Variants in OTOA observed in about 807,000 individuals in gnomAD.
OTOA encodes otoancorin.
In OTOA, 70 loss-of-function variants were observed where a neutral mutation model predicts 110.8. That is an observed-to-expected ratio of 0.63 (90% CI 0.52 to 0.77). The LOEUF is 0.77. Among genes scored for constraint, OTOA ranks in the 30% least tolerant of loss-of-function variants. The pLI is 0.00. For missense variants in OTOA, 917 were observed against 1,075.8 expected (o/e 0.85, Z 2.06); for synonymous variants, 373 against 431.5 (o/e 0.86, Z 1.68).
At chr16:21,673,190 G>A (rs966690857) in intron 1 of OTOA, among the ~76,000 whole-genome samples, 3 of 152,106 alleles carry the variant, frequency 2.0e-5, no homozygotes, top group African/African-American at 7.2e-5. Context: ...CAGATTCATA[G>A]GAAGTTGCAA....
chr16:21,729,504 T>C (rs949196126), intron 20 of OTOA: 3 of 152,218 alleles, frequency 2.0e-5, no homozygotes, highest in Non-Finnish European at 4.4e-5. Context: ...ATTATCGTCA[T>C]TGGATTCTCA....
chr16:21,680,808 G>A (rs1028722644), intron 5 of OTOA, among the ~76,000 whole-genome samples: 7 of 148,850 alleles, frequency 4.7e-5, no homozygotes, highest in Non-Finnish European at 1.0e-4. Flanking sequence ...AGCTGAGATT[G>A]CACCACTGCA....
chr16:21,714,332 C>CCTTCCTTCCTTCCTTCCTTCCTTT (rs1555499743), intron 13 of OTOA, among the ~76,000 whole-genome samples: 5 of 127,736 alleles, frequency 3.9e-5, no homozygotes, highest in African/African-American at 1.1e-4. Context: ...TTCCTTCCTT[C>CCTTCCTTCCTTCCTTCCTTCCTTT]CTTTCTTTCT....
intron 14 of OTOA, among the ~76,000 whole-genome samples, chr16:21,716,236 G>A (rs1898548799): frequency 6.6e-6 from 1 of 151,030 alleles, no homozygotes; most frequent in East Asian, 2.0e-4. Context: ...TTGACATCTT[G>A]CTCTATCAGG....
intron 12 of OTOA, 73 bp from the exon 13 acceptor site, chr16:21,709,815 G>C: frequency 7.5e-7 from 1 of 1,329,946 alleles, no homozygotes; most frequent in South Asian, 1.2e-5. Context: ...AGTCCTAATA[G>C]CCCTGGATAT....
Position 21,720,067 on chromosome 16 carries a change from C to T in OTOA, c.1806+563C>T, listed in dbSNP as rs139964507. 9.1e-3 allele frequency among the ~76,000 whole-genome samples: 1,387 copies of T among 151,962 alleles called. 26 individuals are homozygous for T. The highest frequency in any genetic ancestry group is 0.01 in the Middle Eastern group (3 of 294). On this transcript the variant is annotated intron_variant, in intron 17 of 28. Coordinates refer to ENST00000646100, the MANE Select transcript of OTOA (RefSeq NM_144672.4). Reference sequence around the variant, plus strand: ...ACCTCCTGGGCTCAAGAGATCCTTCCGTCTCAACTTCTTGAGTAGCTGGAA... The same window carrying T: ...ACCTCCTGGGCTCAAGAGATCCTTCTGTCTCAACTTCTTGAGTAGCTGGAA...
At chr16:21,734,928 C>G (rs1014434046) in intron 21 of OTOA, among the ~76,000 whole-genome samples, 1 of 151,904 alleles carries the variant, frequency 6.6e-6, no homozygotes, top group African/African-American at 2.4e-5. Flanking sequence ...CACTTGAGGC[C>G]AGGAGTTTGA....
At chr16:21,707,769 C>G (rs1170751402) in intron 12 of OTOA, among the ~76,000 whole-genome samples, 3 of 83,648 alleles carry the variant, frequency 3.6e-5, no homozygotes, top group Non-Finnish European at 7.5e-5. Flanking sequence ...CCCTCCCTCC[C>G]CCTCCCCCCC....
At chr16:21,700,533 T>C (rs1187005750) in intron 10 of OTOA, among the ~76,000 whole-genome samples, 3 of 151,938 alleles carry the variant, frequency 2.0e-5, no homozygotes, top group Admixed American at 6.6e-5. Flanking sequence ...GAGACCAGCC[T>C]GGACAACATG....
chr16:21,695,232 C>A (rs1983523), intron 9 of OTOA, among the ~76,000 whole-genome samples: 16 of 146,568 alleles, frequency 1.1e-4, no homozygotes, highest in South Asian at 4.6e-4. Context: ...AGACCCCCCC[C>A]CCCCATACAA....
chr16:21,751,255 C>T (rs1287640117), intron 24 of OTOA, among the ~76,000 whole-genome samples: 5 of 8,814 alleles, frequency 5.7e-4, no homozygotes, highest in Non-Finnish European at 1.3e-3. Flanking sequence ...AGGCTGGGTG[C>T]GGTGGCTCAT....
intron 22 of OTOA, among the ~76,000 whole-genome samples, chr16:21,738,450 T>TTTTG (rs547238229): frequency 5.8e-4 from 65 of 111,332 alleles, no homozygotes; most frequent in Middle Eastern, 5.0e-3. Flanking sequence ...TGTTCTCCCG[T>TTTTG]TTTTTTTTTT....
intron 11 of OTOA, among the ~76,000 whole-genome samples, chr16:21,703,371 G>A (rs1354569760): frequency 2.0e-5 from 3 of 152,086 alleles, no homozygotes; most frequent in Non-Finnish European, 4.4e-5. Flanking sequence ...AGGTCATACA[G>A]TATTTGTCTT....
At chr16:21,680,180 A>T (rs1406372747) in intron 5 of OTOA, among the ~76,000 whole-genome samples, 3 of 107,022 alleles carry the variant, frequency 2.8e-5, no homozygotes, top group Non-Finnish European at 5.8e-5. Flanking sequence ...TTTGTTTATT[A>T]ATTTATCCAT....
intron 1 of OTOA, among the ~76,000 whole-genome samples, chr16:21,670,398 T>G (rs1314825869): frequency 6.6e-6 from 1 of 152,120 alleles, no homozygotes; most frequent in Admixed American, 6.6e-5. Flanking sequence ...TCTCCAGATA[T>G]TCCCGTGGTT....
intron 13 of OTOA, among the ~76,000 whole-genome samples, chr16:21,711,013 A>AAAC (rs1011395206): frequency 1.3e-5 from 2 of 152,166 alleles, no homozygotes; most frequent in Non-Finnish European, 1.5e-5. Context: ...AAAAAAAATT[A>AAAC]AACAACAACA....
intron 27 of OTOA, among the ~76,000 whole-genome samples, chr16:21,753,927 G>A (rs1283823707): frequency 2.4e-5 from 3 of 127,268 alleles, no homozygotes; most frequent in Non-Finnish European, 1.7e-5. Context: ...GGGCGTGGTG[G>A]TGGATGCCTG....
chr16:21,726,180 A>G (rs1352544957), intron 18 of OTOA, among the ~76,000 whole-genome samples: 3 of 152,100 alleles, frequency 2.0e-5, no homozygotes, highest in Non-Finnish European at 2.9e-5. Context: ...TCTCTGATCA[A>G]TGCTCTGGGG....
chr16:21,726,407 G>A (rs552228427), intron 18 of OTOA, 116 bp from the exon 19 acceptor site: 2 of 1,453,972 alleles, frequency 1.4e-6, no homozygotes. Flanking sequence ...TCACTGGGAA[G>A]AACAAACATT....
Sources: allele counts gnomAD v4.1 joint callset (sites outside exome capture counted in the v4.1 genomes callset), GRCh38; gene constraint gnomAD v4.1.1; transcripts MANE v1.5; gene names NCBI Gene and HGNC (gene_info 2026-07-23, HGNC 2026-07-21).